RADIL: variants seen among roughly 807,000 people sequenced by gnomAD.
The protein encoded by RADIL is Rap associating with DIL domain.
A neutral mutation model predicts 97.6 loss-of-function variants in RADIL; 99 were observed. The ratio of observed to expected loss-of-function variants is 1.01; its 90% CI spans 0.86 to 1.20. The LOEUF is 1.20. Among genes scored for constraint, RADIL ranks in the 50% most tolerant of loss-of-function variants. The pLI, the probability that RADIL is intolerant of heterozygous loss-of-function variation, is 0.00. For missense variants in RADIL, 1,765 were observed against 1,498.9 expected, an observed-to-expected ratio of 1.18 and a Z score of -2.93; for synonymous variants, 803 against 691.8, an observed-to-expected ratio of 1.16 and a Z score of -2.52.
intron 2 of RADIL, chr7:4,858,704 T>C (rs1256114499): frequency 6.6e-6 from 1 of 152,622 alleles, no homozygotes; most frequent in Non-Finnish European, 1.5e-5. Flanking sequence ...ATCAGAAACA[T>C]ATCTCATAGA....
chr7:4,879,742 C>T lies in RADIL; in HGVS notation c.-64-1539G>A, dbSNP rs947410517. 1.3e-5 allele frequency among the ~76,000 whole-genome samples: 2 copies of T among 152,222 alleles called. No individual in the cohort carries two copies. The highest frequency in any genetic ancestry group is 4.8e-5 in the African/African-American group (2 of 41,466). ...ACCCCTCCAAAGAAAAGGAGCCACA[C>T]TGTCCCTTAGGAAACTAAACAGTGG... On this transcript the variant is annotated intron_variant, in intron 1 of 14. Coordinates refer to ENST00000399583, the MANE Select transcript of RADIL (RefSeq NM_018059.5). The surrounding 1 kb of genome is among the most constrained non-coding windows in gnomAD (Gnocchi z 4.1).
At chr7:4,855,454 T>A (rs528102106) in intron 2 of RADIL, among the ~76,000 whole-genome samples, 2 of 152,034 alleles carry the variant, frequency 1.3e-5, no homozygotes, top group South Asian at 4.2e-4. Context: ...ACGAGGAGAC[T>A]AATTGGAACG....
chr7:4,799,369 G>A lies in RADIL; in HGVS notation c.*9C>T, dbSNP rs756053783. 20 of 1,612,506 alleles carry A rather than the reference G, an allele frequency of 1.2e-5. No homozygotes were observed. The highest frequency in any genetic ancestry group is 3.3e-4 in the Middle Eastern group (2 of 6,070). Reference sequence around the variant, plus strand: ...GTGCCGGGCCTGTGGGGGTGTCCTCGCAGCCCCCCTAGAGAGGGGGCGTGC... The same window carrying A: ...GTGCCGGGCCTGTGGGGGTGTCCTCACAGCCCCCCTAGAGAGGGGGCGTGC... On this transcript the variant is annotated 3_prime_UTR_variant, in exon 15 of 15. Coordinates refer to ENST00000399583, the MANE Select transcript of RADIL (RefSeq NM_018059.5).
chr7:4,853,525 C>T (rs1783757629), intron 2 of RADIL, among the ~76,000 whole-genome samples: 3 of 152,008 alleles, frequency 2.0e-5, no homozygotes, highest in South Asian at 4.2e-4. Context: ...GGCAGATGAC[C>T]TGAGGTCAGG....
rs1783231701 is a variant in RADIL, at chr7:4,834,337, C to A, written c.1416+270G>T. Among the ~76,000 whole-genome samples, 1 of 152,146 alleles carries A rather than the reference C, an allele frequency of 6.6e-6. No individual in the cohort carries two copies. The highest frequency in any genetic ancestry group is 2.4e-5 in the African/African-American group (1 of 41,424). On this transcript the variant is annotated intron_variant, in intron 4 of 14. Coordinates refer to ENST00000399583, the MANE Select transcript of RADIL (RefSeq NM_018059.5). This position sits in a 1 kb window ranked among gnomAD's most constrained non-coding sequence, Gnocchi z 6.0. ...AGCTGGACCCCAGGGAGGGTACAAG[C>A]CCAGAGCTCAGGAGGTGACCTAGGA... is the stretch of plus-strand genomic sequence containing the variant.
chr7:4,851,574 G>A (rs1583307099), intron 2 of RADIL, among the ~76,000 whole-genome samples: 1 of 152,154 alleles, frequency 6.6e-6, no homozygotes, highest in East Asian at 1.9e-4. Context: ...TGTGATGTGA[G>A]GGCAGGGAGC....
At chr7:4,870,961 T>G (rs1784239859) in intron 2 of RADIL, among the ~76,000 whole-genome samples, 1 of 152,206 alleles carries the variant, frequency 6.6e-6, no homozygotes, top group African/African-American at 2.4e-5. Flanking sequence ...TTACTGATTT[T>G]TTAAGTGTAA....
intron 9 of RADIL, among the ~76,000 whole-genome samples, chr7:4,810,398 G>C (rs1027437230): frequency 6.6e-6 from 1 of 151,838 alleles, no homozygotes; most frequent in Non-Finnish European, 1.5e-5. Flanking sequence ...GGAAGTCCTG[G>C]GCTCAAGTGA....
intron 2 of RADIL, among the ~76,000 whole-genome samples, chr7:4,841,824 T>C (rs1369022581): frequency 6.6e-6 from 1 of 152,120 alleles, no homozygotes; most frequent in Non-Finnish European, 1.5e-5. Context: ...ATCCCAGCAC[T>C]TTGGGAGGCC....
chr7:4,834,841 A>C lies in RADIL; in HGVS notation c.1182T>G (p.Pro394=). ...GGCGCCGGGGCAGGGCGGCCTGAGT[A>C]GGGGAGGCGGCTCCCCGGGCCCCGA... ...AALGARGAAS[P]TQAALPRRQQ... Residue 394 remains proline, a synonymous_variant, in exon 4 of 15, where the codon CCT becomes CCG. Transcript: ENST00000399583. This position sits in a 1 kb window ranked among gnomAD's most constrained non-coding sequence, Gnocchi z 6.0. 7.6e-7 allele frequency: 1 copy of C among 1,319,074 alleles called. No individual in the cohort carries two copies. Among genetic ancestry groups the C allele is most frequent in the Non-Finnish European group, 9.7e-7 (1 of 1,033,088 alleles). The allele number at this position is 1,319,074 out of a possible 1,614,324, so 81.7% of individuals were successfully genotyped here.
In RADIL at chr7:4,879,294, T is replaced by C. The variant is rs1419355417; in HGVS notation, c.-64-1091A>G. 6.6e-6 allele frequency among the ~76,000 whole-genome samples: 1 copy of C among 152,190 alleles called. No individual in the cohort carries two copies. The highest frequency in any genetic ancestry group is 2.4e-5 in the African/African-American group (1 of 41,446). ...CCGTAGCGTGCCCAGGGCCAGGAGT[T>C]CCAGATGGTTTCTCAGTCTCCCTCC... is the stretch of plus-strand genomic sequence containing the variant. On this transcript the variant is annotated intron_variant, in intron 1 of 14. Transcript: ENST00000399583. This position sits in a 1 kb window ranked among gnomAD's most constrained non-coding sequence, Gnocchi z 4.1.
chr7:4,809,144 T>A (rs1461821093), intron 9 of RADIL: 2 of 984,570 alleles, frequency 2.0e-6, no homozygotes, highest in South Asian at 4.7e-5. Context: ...CAGCGTGGGG[T>A]GGCCCGGCCG....
intron 8 of RADIL, 79 bp downstream of exon 8, chr7:4,816,149 G>T: frequency 7.3e-7 from 1 of 1,365,816 alleles, no homozygotes; most frequent in Non-Finnish European, 1.0e-6. Flanking sequence ...GCCTCCAGGA[G>T]CTGGCGAGGG....
At chr7:4,799,928 A>G (rs1410318606) in intron 13 of RADIL, among the ~76,000 whole-genome samples, 159 bp from the exon 14 acceptor site, 2 of 152,118 alleles carry the variant, frequency 1.3e-5, no homozygotes, top group African/African-American at 2.4e-5. Flanking sequence ...AGTGGACACC[A>G]CCGTCCCCAC....
rs1782733285 is a variant in RADIL, at chr7:4,818,301, C to T, written c.1616-950G>A. The stretch of plus-strand genomic sequence containing the variant: ...CAGGAGCACAGGCCCCCAGCTGCCC[C>T]TCTGCCGGGCAGACTGCACCGGAGG... On this transcript the variant is annotated intron_variant, in intron 6 of 14. Coordinates refer to ENST00000399583, the MANE Select transcript of RADIL (RefSeq NM_018059.5). This position sits in a 1 kb window ranked among gnomAD's most constrained non-coding sequence, Gnocchi z 7.1. 6.6e-6 allele frequency among the ~76,000 whole-genome samples: 1 copy of T among 152,222 alleles called. No homozygotes were observed. Among genetic ancestry groups the T allele is most frequent in the Non-Finnish European group, 1.5e-5 (1 of 68,034 alleles).
At chr7:4,859,585 A>AC in intron 2 of RADIL, 4 of 316,414 alleles carry the variant, frequency 1.3e-5, no homozygotes, top group Non-Finnish European at 1.8e-5. Context: ...CTAGTCCCGT[A>AC]CCCCTCATTC....
intron 5 of RADIL, among the ~76,000 whole-genome samples, chr7:4,825,169 C>T (rs549140572): frequency 1.3e-5 from 2 of 151,372 alleles, no homozygotes; most frequent in East Asian, 1.9e-4. Context: ...GAGGAACAGG[C>T]GTAGCTGGCT....
chr7:4,809,439 C>CATCTGA (rs1166717817), intron 9 of RADIL: 5 of 985,332 alleles, frequency 5.1e-6, no homozygotes, highest in Non-Finnish European at 6.0e-6. Context: ...GGAAACCACA[C>CATCTGA]ATCTGACACG....
intron 2 of RADIL, among the ~76,000 whole-genome samples, chr7:4,864,105 C>A (rs1308473977): frequency 6.6e-6 from 1 of 152,212 alleles, no homozygotes; most frequent in East Asian, 1.9e-4. Context: ...TAAATACCTT[C>A]TTTTTAATCC....
Sources: allele counts gnomAD v4.1 joint callset (sites outside exome capture counted in the v4.1 genomes callset), GRCh38; gene constraint gnomAD v4.1.1; non-coding constraint Gnocchi (gnomAD v3.1); transcripts MANE v1.5; gene names NCBI Gene and HGNC (gene_info 2026-07-23, HGNC 2026-07-21).